SKIC8: variants seen among roughly 807,000 people sequenced by gnomAD.
SKIC8 encodes the protein superkiller complex protein 8.
chr15:78,297,362 C>T, the SKIC8 span, among the ~76,000 whole-genome samples: 1 of 152,120 alleles, frequency 6.6e-6, no homozygotes, highest in African/African-American at 2.4e-5. Flanking sequence ...CCAAAGACCA[C>T]AAAAGCATTG....
At chr15:78,291,310 A>G in the SKIC8 span, 3 of 152,230 alleles carry the variant, frequency 2.0e-5, no homozygotes, top group Non-Finnish European at 4.4e-5. Flanking sequence ...GGCGCCCAAG[A>G]TGAAAAGGTA....
the SKIC8 span, among the ~76,000 whole-genome samples, chr15:78,289,142 T>G: frequency 6.6e-6 from 1 of 152,194 alleles, no homozygotes; most frequent in East Asian, 1.9e-4. Flanking sequence ...AGGCCAGGTA[T>G]GGTGGCTCAT....
the SKIC8 span, chr15:78,295,117 C>T: frequency 4.6e-6 from 4 of 874,556 alleles, no homozygotes; most frequent in South Asian, 1.6e-5. Flanking sequence ...ATCCCGCAAG[C>T]TCCTTGATTC....
the SKIC8 span, among the ~76,000 whole-genome samples, chr15:78,298,392 T>C: frequency 6.6e-6 from 1 of 152,242 alleles, no homozygotes; most frequent in African/African-American, 2.4e-5. Context: ...TGAAACCTCA[T>C]AACCCCGCTT....
chr15:78,290,627 A>G, the SKIC8 span: 1 of 152,384 alleles, frequency 6.6e-6, no homozygotes, highest in East Asian at 1.9e-4. Flanking sequence ...TTTTCCCTAC[A>G]TTCATTAGAC....
the SKIC8 span, chr15:78,295,032 C>A: frequency 1.9e-6 from 3 of 1,605,654 alleles, no homozygotes; most frequent in East Asian, 4.5e-5. Context: ...TCTCACATTG[C>A]CTCCAGAAAG....
the SKIC8 span, chr15:78,283,426 T>C: frequency 2.5e-6 from 4 of 1,610,484 alleles, no homozygotes; most frequent in Admixed American, 6.7e-5. Flanking sequence ...CTGGAGACTT[T>C]GATGTTTAAA....
the SKIC8 span, among the ~76,000 whole-genome samples, chr15:78,297,552 A>C: frequency 1.5e-4 from 23 of 152,352 alleles, no homozygotes; most frequent in African/African-American, 5.3e-4. Flanking sequence ...AACTACCATA[A>C]TTTCGAAGTT....
chr15:78,292,542 C>T, the SKIC8 span: 2 of 1,595,492 alleles, frequency 1.3e-6, no homozygotes, highest in Non-Finnish European at 1.7e-6. Flanking sequence ...AGCTGTAAAA[C>T]ACATTCTATC....
At chr15:78,295,064 A>T in the SKIC8 span, 20 of 1,465,880 alleles carry the variant, frequency 1.4e-5, no homozygotes, top group Middle Eastern at 3.5e-4. Flanking sequence ...GAGTAGACAG[A>T]GTCACCACAG....
the SKIC8 span, among the ~76,000 whole-genome samples, chr15:78,294,321 T>C: frequency 6.6e-6 from 1 of 152,206 alleles, no homozygotes; most frequent in African/African-American, 2.4e-5. Flanking sequence ...CTCAAACTCA[T>C]CGAGGCTATA....
chr15:78,298,729 T>G, the SKIC8 span, among the ~76,000 whole-genome samples: 1 of 152,180 alleles, frequency 6.6e-6, no homozygotes, highest in East Asian at 1.9e-4. Flanking sequence ...CAAACCACGG[T>G]AAGTCAGTCA....
At chr15:78,288,427 CCTCA>C in the SKIC8 span, 13 of 1,577,168 alleles carry the variant, frequency 8.2e-6, no homozygotes, top group Non-Finnish European at 9.6e-6. Flanking sequence ...ACCACTGCCT[CCTCA>C]CTCAGCTTCC....
the SKIC8 span, chr15:78,287,010 CTAATG>C: frequency 1.3e-5 from 2 of 152,130 alleles, no homozygotes; most frequent in African/African-American, 4.8e-5. Context: ...AGAGTAAACC[CTAATG>C]TAAACTACAG....
chr15:78,290,146 C>A, the SKIC8 span: 1,023 of 1,553,516 alleles, frequency 6.6e-4, no homozygotes, highest in Middle Eastern at 1.0e-3. Flanking sequence ...AAAGACTTGG[C>A]CTTAATTTTA....
chr15:78,292,966 A>ATTT, the SKIC8 span: 4 of 786,840 alleles, frequency 5.1e-6, no homozygotes, highest in Non-Finnish European at 5.7e-6. Context: ...GGACTTTAAG[A>ATTT]TTTTTTTTTT....
At chr15:78,290,122 A>G in the SKIC8 span, 1 of 1,597,658 alleles carries the variant, frequency 6.3e-7, no homozygotes, top group Admixed American at 1.8e-5. Flanking sequence ...AAGAAGGACA[A>G]AAATACAGTG....
the SKIC8 span, chr15:78,284,886 A>G: frequency 6.4e-5 from 13 of 202,372 alleles, no homozygotes; most frequent in Middle Eastern, 5.5e-3. Context: ...ATTGTGTTTA[A>G]GCAATGGAAT....
At chr15:78,287,803 G>A in the SKIC8 span, among the ~76,000 whole-genome samples, 3 of 152,114 alleles carry the variant, frequency 2.0e-5, no homozygotes, top group African/African-American at 7.2e-5. Flanking sequence ...TTCTATACTC[G>A]CAGTCAAGGG....
Sources: allele counts gnomAD v4.1 joint callset (sites outside exome capture counted in the v4.1 genomes callset), GRCh38; gene constraint gnomAD v4.1.1; transcripts MANE v1.5; gene names NCBI Gene and HGNC (gene_info 2026-07-23, HGNC 2026-07-21).